The following PDE10A variants were observed in gnomAD, a reference collection of about 807,000 sequenced individuals.
PDE10A encodes phosphodiesterase 10A.
PDE10A carries 39 observed loss-of-function variants against 97.7 expected under a neutral mutation model. The ratio of observed to expected loss-of-function variants is 0.40; its 90% confidence interval spans 0.31 to 0.52. The LOEUF (loss-of-function observed/expected upper bound fraction) is 0.52. PDE10A is among the 20% of genes least tolerant of loss of function. PDE10A has a pLI of 0.56. For missense variants in PDE10A, 731 were observed against 1,047.8 expected (o/e 0.70, Z 4.17); for synonymous variants, 371 against 376.8 (o/e 0.98, Z 0.18).
intron 1 of PDE10A, among the ~76,000 whole-genome samples, chr6:165,854,254 C>A (rs1166494932): frequency 1.3e-5 from 2 of 152,162 alleles, no homozygotes; most frequent in Admixed American, 1.3e-4. Flanking sequence ...CAGGGTGGAG[C>A]CCGGGAATCG....
At position 165,411,837 on chromosome 6, in the gene PDE10A, A is replaced by G. The variant is rs372388045; in HGVS notation, c.2076+1664T>C. Among the ~76,000 whole-genome samples the G allele has an allele frequency of 1.1e-4, 16 of 152,318 alleles. No individual in the cohort carries two copies. The East Asian group carries it at 2.1e-3, about 20-fold the overall frequency. ...AAGCAAAAATGGCAAATATATTAACATTTGGGGAATATGGATAAAGGTATA... is the reference window on the plus strand; with the variant it reads ...AAGCAAAAATGGCAAATATATTAACGTTTGGGGAATATGGATAAAGGTATA... On this transcript the variant is annotated intron_variant, in intron 13 of 21. Coordinates refer to ENST00000539869, the MANE Select transcript of PDE10A (RefSeq NM_001385079.1).
At chr6:165,489,635 T>C (rs1383487894) in intron 2 of PDE10A, among the ~76,000 whole-genome samples, 1 of 152,176 alleles carries the variant, frequency 6.6e-6, no homozygotes, top group East Asian at 1.9e-4. Context: ...TCAGGTCGAC[T>C]ATTAAGCTAA....
chr6:165,434,040 A>T (rs1361480114), intron 6 of PDE10A, among the ~76,000 whole-genome samples: 4 of 130,408 alleles, frequency 3.1e-5, no homozygotes, highest in Non-Finnish European at 4.7e-5. Flanking sequence ...AAAAAAAAAG[A>T]AGTAGTACAG....
At chr6:165,588,294 T>TC (rs1786043283) in intron 1 of PDE10A, among the ~76,000 whole-genome samples, 1 of 146,984 alleles carries the variant, frequency 6.8e-6, no homozygotes. Flanking sequence ...TTTTTTTTTT[T>TC]TTTTTTTTTT....
intron 18 of PDE10A, among the ~76,000 whole-genome samples, chr6:165,364,513 C>T (rs532101840): frequency 1.3e-5 from 2 of 152,256 alleles, no homozygotes; most frequent in South Asian, 4.1e-4. Context: ...GACTAAGACA[C>T]ACATATAATC....
rs191044323 is a variant in PDE10A at position 165,594,539 on chromosome 6, T to C, written c.866-50971A>G. Among the ~76,000 whole-genome samples, 3 of 152,310 alleles carry C rather than the reference T, an allele frequency of 2.0e-5. No homozygotes were observed. In the East Asian group the frequency reaches 5.8e-4, roughly 29 times the overall value. On this transcript the variant is annotated intron_variant, in intron 1 of 21. Coordinates refer to ENST00000539869, the MANE Select transcript of PDE10A (RefSeq NM_001385079.1). ...GTGGGAGCAGAGTGAGGGAAGTTCTTTTCTCTCAGAAGAATTCAAGCTATA... is the reference window on the plus strand; with the variant it reads ...GTGGGAGCAGAGTGAGGGAAGTTCTCTTCTCTCAGAAGAATTCAAGCTATA...
chr6:165,655,354 C>G lies in PDE10A; in HGVS notation c.865+6593G>C, dbSNP rs1390680914. On this transcript the variant is annotated intron_variant, in intron 1 of 21. Transcript: ENST00000539869. The surrounding 1 kb of genome is among the most constrained non-coding windows in gnomAD (Gnocchi z 4.5). Reference sequence around the variant, plus strand: ...TCTCAGGCTGAACACCACCAAACGCCACGCCTGATTCCTTGCGCACCCCAC... The same window carrying G: ...TCTCAGGCTGAACACCACCAAACGCGACGCCTGATTCCTTGCGCACCCCAC... 6.6e-6 allele frequency among the ~76,000 whole-genome samples: 1 copy of G among 152,136 alleles called. No individual in the cohort carries two copies. Among genetic ancestry groups the G allele is most frequent in the Non-Finnish European group, 1.5e-5 (1 of 68,024 alleles).
intron 1 of PDE10A, among the ~76,000 whole-genome samples, chr6:165,821,329 C>G (rs557804179): frequency 1.3e-5 from 2 of 152,296 alleles, no homozygotes; most frequent in South Asian, 4.1e-4. Flanking sequence ...CCCTTTCCCC[C>G]TTCAGAACAA....
intron 1 of PDE10A, among the ~76,000 whole-genome samples, chr6:165,885,697 G>C (rs1391196890): frequency 3.9e-5 from 6 of 152,198 alleles, no homozygotes; most frequent in African/African-American, 1.4e-4. Context: ...AAAGCTCCTG[G>C]GCAGATCCAG....
intron 3 of PDE10A, among the ~76,000 whole-genome samples, chr6:165,468,934 C>T (rs73786603): frequency 0.033 from 4,957 of 152,292 alleles, 265 homozygotes; most frequent in African/African-American, 0.11. Flanking sequence ...TCCTCTGTTG[C>T]AGCAGTTTGC....
At chr6:165,387,905 AAAAG>A (rs1361559607) in intron 17 of PDE10A, among the ~76,000 whole-genome samples, 2 of 152,202 alleles carry the variant, frequency 1.3e-5, no homozygotes, top group South Asian at 2.1e-4. Context: ...ACAGTGTAAA[AAAAG>A]AAAGGCTACA....
chr6:165,900,888 A>G (rs1386264518), intron 1 of PDE10A, among the ~76,000 whole-genome samples: 5 of 152,168 alleles, frequency 3.3e-5, no homozygotes, highest in Admixed American at 3.3e-4. Context: ...TAACCAGACT[A>G]ATGATAACAG....
chr6:165,871,401 G>A (rs1480430242), intron 1 of PDE10A, among the ~76,000 whole-genome samples: 2 of 152,176 alleles, frequency 1.3e-5, no homozygotes, highest in African/African-American at 4.8e-5. Flanking sequence ...AAGTGGTGGG[G>A]ATGAGTCCTG....
At chr6:165,630,281 G>A (rs962448324) in intron 1 of PDE10A, among the ~76,000 whole-genome samples, 1 of 152,170 alleles carries the variant, frequency 6.6e-6, no homozygotes, top group Admixed American at 6.5e-5. Context: ...CAGGGAAGCG[G>A]AGATTGAAGT....
Position 165,481,431 on chromosome 6 carries a change from G to C in PDE10A, c.1023+884C>G, listed in dbSNP as rs149762028. ...TCCACACCCCCAACCCCCAGCGCTG[G>C]CCCAGGTCATTTTAGAGATTTCTTT... On this transcript the variant is annotated intron_variant, in intron 3 of 21. Transcript: ENST00000539869. Among the ~76,000 whole-genome samples, 547 of 152,028 alleles carry C rather than the reference G, an allele frequency of 3.6e-3. 2 individuals carry two copies. The highest frequency in any genetic ancestry group is 0.013 in the African/African-American group (532 of 41,446).
At chr6:165,463,308 T>C (rs539825373) in intron 3 of PDE10A, among the ~76,000 whole-genome samples, 1 of 152,210 alleles carries the variant, frequency 6.6e-6, no homozygotes, top group Non-Finnish European at 1.5e-5. Context: ...TTAATAGCTC[T>C]TAGTAAGATC....
intron 5 of PDE10A, among the ~76,000 whole-genome samples, chr6:165,436,481 A>C (rs535425014): frequency 2.5e-4 from 38 of 152,292 alleles, no homozygotes; most frequent in African/African-American, 7.9e-4. Context: ...GGGAGAGAAA[A>C]GCAAAGCTTT....
intron 1 of PDE10A, among the ~76,000 whole-genome samples, chr6:165,915,829 G>C (rs1446841243): frequency 6.6e-6 from 1 of 152,204 alleles, no homozygotes; most frequent in Non-Finnish European, 1.5e-5. Flanking sequence ...ACATCACTCA[G>C]GATACTTCAA....
intron 1 of PDE10A, among the ~76,000 whole-genome samples, chr6:165,952,880 G>A (rs984395055): frequency 1.3e-5 from 2 of 150,724 alleles, no homozygotes; most frequent in Non-Finnish European, 3.0e-5. Context: ...AGGCCACAGT[G>A]CATTCCTAAC....
Sources: gnomAD v4.1 joint callset for allele counts (sites outside exome capture counted in the v4.1 genomes callset) on GRCh38, gnomAD v4.1.1 for gene constraint, Gnocchi (gnomAD v3.1) non-coding constraint, MANE v1.5 for transcripts, NCBI Gene and HGNC (gene_info 2026-07-23, HGNC 2026-07-21) for gene names.